SEC31A: variants seen among roughly 807,000 people sequenced by gnomAD.
SEC31A encodes protein transport protein Sec31A.
SEC31A carries 70 observed loss-of-function variants against 151.0 expected under a neutral mutation model. That is an observed-to-expected ratio of 0.46 (90% confidence interval 0.38 to 0.57). SEC31A has a LOEUF of 0.57. SEC31A is among the 20% of genes least tolerant of loss of function. The pLI, the probability that SEC31A is intolerant of heterozygous loss-of-function variation, is 0.00. For missense variants in SEC31A, 1,330 were observed against 1,471.2 expected (o/e 0.90, Z 1.57); for synonymous variants, 475 against 505.9 (o/e 0.94, Z 0.82).
At chr4:82,840,583 G>A (rs1007035753) in intron 22 of SEC31A, among the ~76,000 whole-genome samples, 4 of 152,120 alleles carry the variant, frequency 2.6e-5, no homozygotes, top group Admixed American at 6.6e-5. Context: ...ATGGGTATGC[G>A]TTCTGAGAAA....
At chr4:82,821,481 G>C (rs950174306) in intron 25 of SEC31A, 6 of 161,056 alleles carry the variant, frequency 3.7e-5, no homozygotes, top group Non-Finnish European at 7.7e-5. Flanking sequence ...CCAGGAGGTG[G>C]AGGTTGCAGT....
chr4:82,820,215 C>T (rs1158062884), intron 26 of SEC31A, among the ~76,000 whole-genome samples: 5 of 149,692 alleles, frequency 3.3e-5, no homozygotes, highest in African/African-American at 4.9e-5. Flanking sequence ...GTGATCCTCC[C>T]GCATCAGCCT....
In SEC31A at chr4:82,864,529, G is replaced by GCT. The variant is rs774275474; in HGVS notation, c.1265_1266dup (p.Gln423SerfsTer12). On this transcript the variant is annotated frameshift_variant, in exon 11 of 27. Coordinates refer to ENST00000395310, the MANE Select transcript of SEC31A (RefSeq NM_001077207.4). LOFTEE classifies it high-confidence loss of function. ...TGACTAATGAACACATGGTGCTGCT[G>GCT]CTGCTGCTGCTCAGCTCCCTGATGA... is the stretch of plus-strand genomic sequence containing the variant. 6.2e-7 allele frequency: 1 copy of GCT among 1,614,118 alleles called. No homozygotes were observed. Among genetic ancestry groups the GCT allele is most frequent in the Non-Finnish European group, 8.5e-7 (1 of 1,180,036 alleles).
chr4:82,855,103 T>A (rs1452266010), intron 16 of SEC31A, 74 bp from the exon 17 acceptor site: 1 of 1,280,320 alleles, frequency 7.8e-7, no homozygotes, highest in African/African-American at 1.5e-5. Context: ...ACTAATTAAT[T>A]GTGTCAAGTA....
rs1177926008 is a variant in SEC31A at position 82,839,080 on chromosome 4, G to A, written c.2968+3060C>T. ...GCAACCTCTGCTCCGGAGTTCAAGC[G>A]ATTCTCCTGCCTCAGCCTCCTGAGT... On this transcript the variant is annotated intron_variant, in intron 22 of 26. Coordinates refer to ENST00000395310, the MANE Select transcript of SEC31A (RefSeq NM_001077207.4). Among the ~76,000 whole-genome samples the A allele has an allele frequency of 3.3e-5, 5 of 152,084 alleles. No individual in the cohort carries two copies. The South Asian group carries it at 6.2e-4, about 19-fold the overall frequency.
rs1306687426 is a variant in SEC31A at position 82,866,890 on chromosome 4, T to C, written c.1115A>G (p.Gln372Arg). Residue 372 changes from glutamine (Q) to arginine (R), a missense_variant, in exon 10 of 27, where the codon CAG (glutamine) becomes CGG (arginine). Coordinates refer to ENST00000395310, the MANE Select transcript of SEC31A (RefSeq NM_001077207.4). The part of the protein sequence containing the change: ...GQPLPPLQIP[Q>R]QTAQHSIVLP... ...CACTATACTATGCTGAGCAGTCTGC[T>C]GTGGAATTTGTAACGGAGGAAGGGG... is the stretch of plus-strand genomic sequence containing the variant. The C allele has an allele frequency of 3.1e-6, 5 of 1,614,214 alleles. No individual in the cohort carries two copies. The highest frequency in any genetic ancestry group is 4.2e-6 in the Non-Finnish European group (5 of 1,180,016).
intron 18 of SEC31A, among the ~76,000 whole-genome samples, chr4:82,852,978 C>T (rs965546388): frequency 6.6e-6 from 1 of 152,170 alleles, no homozygotes; most frequent in African/African-American, 2.4e-5. Context: ...AGGGTTCGTG[C>T]TCCCACGAGA....
At chr4:82,894,891 T>C (rs1285343648), upstream of SEC31A, 1 of 152,328 alleles carries the variant, frequency 6.6e-6, no homozygotes. Flanking sequence ...TTTATTTTGG[T>C]CCAAAAATTT....
At chr4:82,858,754 G>C (rs1329458793) in intron 14 of SEC31A, among the ~76,000 whole-genome samples, 1 of 150,190 alleles carries the variant, frequency 6.7e-6, no homozygotes, top group South Asian at 2.1e-4. Flanking sequence ...CCAGGCTGGA[G>C]TGCAGTGGCG....
chr4:82,889,497 T>C (rs1467399858), intron 1 of SEC31A, among the ~76,000 whole-genome samples: 2 of 145,748 alleles, frequency 1.4e-5, no homozygotes, highest in Non-Finnish European at 3.0e-5. Flanking sequence ...TAGTGAGCTA[T>C]GACTGCACCA....
At chr4:82,884,250 A>C (rs1451150367) in intron 1 of SEC31A, among the ~76,000 whole-genome samples, 1 of 151,972 alleles carries the variant, frequency 6.6e-6, no homozygotes, top group Non-Finnish European at 1.5e-5. Flanking sequence ...CAGCCTCCCA[A>C]AGTGCTGGGA....
chr4:82,877,121 C>A (rs569306536), intron 4 of SEC31A, among the ~76,000 whole-genome samples: 25 of 151,906 alleles, frequency 1.6e-4, no homozygotes, highest in Non-Finnish European at 3.4e-4. Context: ...CCCAGCTACT[C>A]AGGTGGCTGA....
At chr4:82,849,028 T>C in intron 19 of SEC31A, 51 bp from the exon 20 acceptor site, 1 of 1,481,788 alleles carries the variant, frequency 6.7e-7, no homozygotes, top group Middle Eastern at 2.0e-4. Flanking sequence ...CCCAGGTATA[T>C]GACAGCATGT....
chr4:82,892,435 C>G (rs1453494563), upstream of SEC31A, among the ~76,000 whole-genome samples: 1 of 152,248 alleles, frequency 6.6e-6, no homozygotes, highest in East Asian at 1.9e-4. Context: ...TCATGCAGGT[C>G]TGGGTCTCAA....
At chr4:82,867,777 C>T (rs1402289767) in intron 8 of SEC31A, among the ~76,000 whole-genome samples, 2 of 152,130 alleles carry the variant, frequency 1.3e-5, no homozygotes, top group Admixed American at 6.6e-5. Context: ...GGATTACAGG[C>T]GCCCATCATC....
intron 26 of SEC31A, 112 bp downstream of exon 26, chr4:82,820,925 G>A (rs1334615749): frequency 3.7e-6 from 3 of 802,626 alleles, no homozygotes; most frequent in Non-Finnish European, 6.4e-6. Context: ...TTCTCTAAAT[G>A]TCATGACAAT....
intron 7 of SEC31A, among the ~76,000 whole-genome samples, chr4:82,871,206 A>T (rs942466756): frequency 1.3e-5 from 2 of 152,188 alleles, no homozygotes; most frequent in African/African-American, 4.8e-5. Flanking sequence ...TGTGGAAATC[A>T]ACTTCTTACC....
chr4:82,880,639 T>C (rs1739071048), intron 3 of SEC31A, 160 bp downstream of exon 3: 1 of 603,460 alleles, frequency 1.7e-6, no homozygotes, highest in Admixed American at 3.5e-5. Context: ...ACACTACTTT[T>C]ACTTCCATAA....
intron 15 of SEC31A, 26 bp from the exon 16 acceptor site, chr4:82,857,156 A>C (rs765151009): frequency 6.3e-7 from 1 of 1,594,588 alleles, no homozygotes. Context: ...AATACATCCA[A>C]GTTAAATAGA....
Sources: allele counts gnomAD v4.1 joint callset (sites outside exome capture counted in the v4.1 genomes callset), GRCh38; gene constraint gnomAD v4.1.1; transcripts MANE v1.5; gene names NCBI Gene and HGNC (gene_info 2026-07-23, HGNC 2026-07-21).